BNC2: variants seen among roughly 807,000 people sequenced by gnomAD.
BNC2 encodes zinc finger protein basonuclin-2.
In BNC2, 20 loss-of-function variants were observed where a neutral mutation model predicts 76.3. The ratio of observed to expected loss-of-function variants is 0.26; its 90% CI spans 0.18 to 0.38. The LOEUF is 0.38. Among genes scored for constraint, BNC2 ranks in the 10% least tolerant of loss-of-function variants. The pLI, the probability that BNC2 is intolerant of heterozygous loss-of-function variation, is 1.00. For missense variants in BNC2, 1,382 were observed against 1,399.8 expected (o/e 0.99, Z 0.20); for synonymous variants, 582 against 514.8 (o/e 1.13, Z -1.77).
intron 2 of BNC2, among the ~76,000 whole-genome samples, chr9:16,734,513 A>C: frequency 6.6e-6 from 1 of 152,196 alleles, no homozygotes; most frequent in East Asian, 1.9e-4. Context: ...TACCTTCTCC[A>C]GATGGTTCTG....
chr9:16,521,230 C>G (rs1817608979), intron 5 of BNC2, among the ~76,000 whole-genome samples: 1 of 152,184 alleles, frequency 6.6e-6, no homozygotes, highest in Non-Finnish European at 1.5e-5. Context: ...CTGCCAGAGG[C>G]TGCTTTTCAA....
chr9:16,736,566 C>A (rs1421930468), intron 2 of BNC2, among the ~76,000 whole-genome samples: 1 of 151,158 alleles, frequency 6.6e-6, no homozygotes, highest in Non-Finnish European at 1.5e-5. Flanking sequence ...ATCTCCGCCT[C>A]CCAGGTTCAA....
At chr9:16,717,536 T>G (rs542862596) in intron 3 of BNC2, among the ~76,000 whole-genome samples, 1 of 152,358 alleles carries the variant, frequency 6.6e-6, no homozygotes, top group South Asian at 2.1e-4. Context: ...AGCTTTAAGC[T>G]GGTCTCCTCA....
rs78486918 is a variant in BNC2, at chr9:16,679,671, C to A, written c.330+48126G>T. The stretch of plus-strand genomic sequence containing the variant: ...TCCTCTGAAGGACGTTCCCTAGATG[C>A]GCGGGCCGGATGACACCTCCATTGC... On this transcript the variant is annotated intron_variant, in intron 3 of 6. Coordinates refer to ENST00000380672, the MANE Select transcript of BNC2 (RefSeq NM_017637.6). Among the ~76,000 whole-genome samples the A allele has an allele frequency of 4.9e-3, 745 of 152,306 alleles. 12 individuals carry two copies. Among genetic ancestry groups the A allele is most frequent in the African/African-American group, 0.017 (704 of 41,552 alleles).
intron 1 of BNC2, among the ~76,000 whole-genome samples, chr9:16,758,910 C>T (rs1230332698): frequency 2.1e-5 from 1 of 48,630 alleles, no homozygotes; most frequent in African/African-American, 3.8e-5. Flanking sequence ...TTAAATCAAC[C>T]TTTTAAAAAT....
chr9:16,628,117 T>C (rs1038199977), intron 3 of BNC2, among the ~76,000 whole-genome samples: 5 of 152,148 alleles, frequency 3.3e-5, no homozygotes, highest in African/African-American at 1.2e-4. Context: ...CGGTTCCAAC[T>C]AATGAATCAC....
chr9:16,708,232 C>T (rs1287212423), intron 3 of BNC2, among the ~76,000 whole-genome samples: 1 of 152,132 alleles, frequency 6.6e-6, no homozygotes, highest in Non-Finnish European at 1.5e-5. Context: ...TTTCCATTTT[C>T]CTTGAGCCAA....
In BNC2 at chr9:16,411,328, T is replaced by C. The variant is rs2044261480; in HGVS notation, c.*7661A>G. On this transcript the variant is annotated 3_prime_UTR_variant, in exon 7 of 7. Transcript: ENST00000380672. Reference sequence around the variant, plus strand: ...TTAGATACTCTCTCTTCAAGAAATATACTTTCAATACTATCTACTTCTCTC... The same window carrying C: ...TTAGATACTCTCTCTTCAAGAAATACACTTTCAATACTATCTACTTCTCTC... 1 of 152,662 alleles carries C rather than the reference T, an allele frequency of 6.6e-6. No individual in the cohort carries two copies. Among genetic ancestry groups the C allele is most frequent in the South Asian group, 2.1e-4 (1 of 4,836 alleles). The allele number at this position is 152,662 out of a possible 1,614,324, so 9.5% of individuals were successfully genotyped here. A position where few individuals can be genotyped will look rare whatever the true frequency, so the allele number is the denominator to read the frequency against.
rs193051318 is a variant in BNC2, at chr9:16,800,947, A to T, written c.4-62462T>A. Among the ~76,000 whole-genome samples the T allele has an allele frequency of 1.5e-3, 233 of 152,364 alleles. No individual in the cohort carries two copies. The Middle Eastern group carries it at 0.024, about 16-fold the overall frequency. ...TTTAGAAGCAAAAGGGAAAAATAAT[A>T]ACCAAAAATTAAGTTGTTGCTAATG... On this transcript the variant is annotated intron_variant, in intron 1 of 6. Transcript: ENST00000380672.
intron 3 of BNC2, among the ~76,000 whole-genome samples, chr9:16,724,177 G>A (rs1045354064): frequency 1.3e-5 from 2 of 151,644 alleles, no homozygotes; most frequent in African/African-American, 4.8e-5. Context: ...ATTAAATGTG[G>A]GCTATAGCTA....
At chr9:16,838,626 G>A (rs1321318235) in intron 1 of BNC2, among the ~76,000 whole-genome samples, 1 of 152,178 alleles carries the variant, frequency 6.6e-6, no homozygotes, top group Admixed American at 6.5e-5. Context: ...TGTAAAAACT[G>A]ATCACCACAG....
intron 1 of BNC2, among the ~76,000 whole-genome samples, chr9:16,846,644 G>A (rs1001235606): frequency 9.2e-5 from 14 of 152,198 alleles, no homozygotes; most frequent in African/African-American, 3.4e-4. Context: ...TGGTGCATAT[G>A]AGAAACAGTT....
chr9:16,698,748 G>A (rs184892672), intron 3 of BNC2, among the ~76,000 whole-genome samples: 1 of 151,758 alleles, frequency 6.6e-6, no homozygotes, highest in Admixed American at 6.6e-5. Context: ...AAGATACTTA[G>A]GATAACAATG....
At chr9:16,659,949 C>T (rs1270528737) in intron 3 of BNC2, among the ~76,000 whole-genome samples, 2 of 152,192 alleles carry the variant, frequency 1.3e-5, no homozygotes, top group Non-Finnish European at 2.9e-5. Flanking sequence ...CCTCCAGCAA[C>T]CAAATAGATG....
At chr9:16,821,331 A>G (rs1044913820) in intron 1 of BNC2, among the ~76,000 whole-genome samples, 1 of 152,050 alleles carries the variant, frequency 6.6e-6, no homozygotes, top group Non-Finnish European at 1.5e-5. Flanking sequence ...TTTTGATATT[A>G]CTTTTATACT....
intron 1 of BNC2, among the ~76,000 whole-genome samples, chr9:16,819,832 A>C (rs1173824155): frequency 1.3e-5 from 2 of 152,070 alleles, no homozygotes; most frequent in African/African-American, 4.8e-5. Context: ...TTATCTCTAA[A>C]AATGGCAATA....
chr9:16,565,110 GTC>G (rs1053211188), intron 4 of BNC2, among the ~76,000 whole-genome samples: 1 of 151,952 alleles, frequency 6.6e-6, no homozygotes, highest in Non-Finnish European at 1.5e-5. Context: ...AACTGATTTG[GTC>G]TCTCTCTGTT....
chr9:16,537,760 C>T (rs1268825999), intron 5 of BNC2, among the ~76,000 whole-genome samples: 1 of 152,178 alleles, frequency 6.6e-6, no homozygotes, highest in Non-Finnish European at 1.5e-5. Flanking sequence ...GAAATTTAAA[C>T]TATCAGACAC....
chr9:16,518,951 T>C (rs1817527271), intron 5 of BNC2, among the ~76,000 whole-genome samples: 1 of 152,190 alleles, frequency 6.6e-6, no homozygotes, highest in African/African-American at 2.4e-5. Context: ...TATCATATAG[T>C]TTGGTGAGTC....
Sources: gnomAD v4.1 joint callset for allele counts (sites outside exome capture counted in the v4.1 genomes callset) on GRCh38, gnomAD v4.1.1 for gene constraint, MANE v1.5 for transcripts, NCBI Gene and HGNC (gene_info 2026-07-23, HGNC 2026-07-21) for gene names.